Variants in PCDH11Y observed in about 807,000 individuals in gnomAD.
PCDH11Y encodes protocadherin 11 Y-linked, also known as protocadherin-11 Y-linked.
For synonymous variants in PCDH11Y, 9 were observed against 83.6 expected (o/e 0.11, Z 4.87); for missense variants, 12 against 224.8 (o/e 0.05, Z 6.05).
At chrY:5,620,268 A>G in intron 4 of PCDH11Y, among the ~76,000 whole-genome samples, 2 of 30,178 alleles carry the variant, frequency 6.6e-5, no homozygotes, top group Non-Finnish European at 1.6e-4. Flanking sequence ...AAAATATTGT[A>G]AATCCCTCTA....
chrY:5,316,276 G>C, intron 2 of PCDH11Y, among the ~76,000 whole-genome samples: 1 of 33,491 alleles, frequency 3.0e-5, no homozygotes, highest in African/African-American at 1.2e-4. Context: ...ACAATTGGCT[G>C]AGTTTATCTG....
intron 4 of PCDH11Y, among the ~76,000 whole-genome samples, chrY:5,620,847 C>T (rs2124702178): frequency 3.0e-5 from 1 of 33,279 alleles, no homozygotes; most frequent in African/African-American, 1.2e-4. Context: ...AATTCAACAT[C>T]CTTTTATGTT....
At chrY:5,062,413 A>G in intron 1 of PCDH11Y, among the ~76,000 whole-genome samples, 1 of 32,358 alleles carries the variant, frequency 3.1e-5, no homozygotes, top group Admixed American at 2.9e-4. Context: ...TCTGAATTCT[A>G]TAATTTGCAT....
intron 3 of PCDH11Y, among the ~76,000 whole-genome samples, chrY:5,508,656 A>T (rs2124688714): frequency 6.0e-5 from 2 of 33,557 alleles, no homozygotes; most frequent in Admixed American, 5.5e-4. Context: ...CATTGAATAC[A>T]AATTTTTATT....
chrY:5,729,362 T>A (rs2124714928), intron 4 of PCDH11Y, among the ~76,000 whole-genome samples: 1 of 32,144 alleles, frequency 3.1e-5, no homozygotes. Context: ...TTTGCATTTA[T>A]CTGGTGAAGA....
intron 2 of PCDH11Y, among the ~76,000 whole-genome samples, chrY:5,491,966 G>T: frequency 5.9e-5 from 2 of 33,768 alleles, no homozygotes; most frequent in Non-Finnish European, 1.5e-4. Context: ...AGCCGAGTGG[G>T]TGGAATAAGC....
chrY:5,358,683 A>G (rs1378756203), intron 2 of PCDH11Y, among the ~76,000 whole-genome samples: 1 of 32,264 alleles, frequency 3.1e-5, no homozygotes, highest in African/African-American at 1.2e-4. Context: ...TTACAGGAAT[A>G]ATCATTTATG....
chrY:5,132,898 CT>C (rs2052835504), intron 2 of PCDH11Y, among the ~76,000 whole-genome samples: 4 of 32,865 alleles, frequency 1.2e-4, no homozygotes, highest in Non-Finnish European at 1.5e-4. Context: ...ATTCACTAAA[CT>C]ATAAATATAA....
chrY:5,067,060 A>AT (rs2052688119), intron 1 of PCDH11Y, among the ~76,000 whole-genome samples: 1 of 33,192 alleles, frequency 3.0e-5, no homozygotes, highest in African/African-American at 1.2e-4. Context: ...TTTATAGCCC[A>AT]TTTATTCATC....
At chrY:5,459,902 A>C in intron 2 of PCDH11Y, among the ~76,000 whole-genome samples, 1 of 32,565 alleles carries the variant, frequency 3.1e-5, no homozygotes, top group Non-Finnish European at 7.7e-5. Context: ...AGTTACCTTA[A>C]TAAACTCATT....
intron 1 of PCDH11Y, among the ~76,000 whole-genome samples, chrY:5,025,696 C>T (rs2052578163): frequency 3.1e-5 from 1 of 31,840 alleles, no homozygotes; most frequent in Non-Finnish European, 7.7e-5. Context: ...TTTTTTTTGT[C>T]AGTGAGAATA....
At chrY:5,126,008 A>C in intron 2 of PCDH11Y, among the ~76,000 whole-genome samples, 1 of 32,948 alleles carries the variant, frequency 3.0e-5, no homozygotes, top group Admixed American at 2.8e-4. Context: ...GATCAAATAG[A>C]GTATATTTTC....
chrY:5,367,258 C>T (rs2053181232), intron 2 of PCDH11Y, among the ~76,000 whole-genome samples: 1 of 30,943 alleles, frequency 3.2e-5, no homozygotes, highest in Non-Finnish European at 7.7e-5. Flanking sequence ...TTTACAAATA[C>T]GGGTAACTTG....
At chrY:5,373,718 T>TTATA (rs1602914407) in intron 2 of PCDH11Y, among the ~76,000 whole-genome samples, 2 of 24,880 alleles carry the variant, frequency 8.0e-5, no homozygotes, top group African/African-American at 1.5e-4. Flanking sequence ...ACTTATATGT[T>TTATA]TATATATATA....
At chrY:5,725,268 C>CA (rs749334646) in intron 4 of PCDH11Y, among the ~76,000 whole-genome samples, 426 of 10,823 alleles carry the variant, frequency 0.039, no homozygotes, top group Middle Eastern at 0.18. Context: ...AATTCCGTCT[C>CA]AAAAAAAAAA....
chrY:5,011,016 G>A, intron 1 of PCDH11Y, among the ~76,000 whole-genome samples: 1 of 17,245 alleles, frequency 5.8e-5, no homozygotes, highest in Non-Finnish European at 1.3e-4. Flanking sequence ...TCCAAAAGGC[G>A]CTGATCCATA....
intron 2 of PCDH11Y, among the ~76,000 whole-genome samples, chrY:5,199,810 G>A: frequency 3.0e-5 from 1 of 33,617 alleles, no homozygotes; most frequent in Non-Finnish European, 7.3e-5. Context: ...AAGAAAAATA[G>A]AGATGTCAAG....
intron 2 of PCDH11Y, among the ~76,000 whole-genome samples, chrY:5,306,688 A>C: frequency 3.0e-5 from 1 of 33,223 alleles, no homozygotes; most frequent in Non-Finnish European, 7.4e-5. Context: ...CCAAGACTGA[A>C]ACCCAGGCCT....
intron 2 of PCDH11Y, among the ~76,000 whole-genome samples, chrY:5,478,564 C>T (rs2053322376): frequency 6.4e-5 from 2 of 31,110 alleles, no homozygotes; most frequent in Non-Finnish European, 1.6e-4. Context: ...AGTTCAAGTC[C>T]TGAATACTTT....
Sources: gnomAD v4.1 joint callset for allele counts (sites outside exome capture counted in the v4.1 genomes callset) on GRCh38, gnomAD v4.1.1 for gene constraint, MANE v1.5 for transcripts, NCBI Gene and HGNC (gene_info 2026-07-23, HGNC 2026-07-21) for gene names.